The following MGMT variants were observed in gnomAD, a reference collection of about 807,000 sequenced individuals.
MGMT encodes the protein methylated-DNA--protein-cysteine methyltransferase.
A neutral mutation model predicts 15.9 loss-of-function variants in MGMT; 14 were observed. The ratio of observed to expected loss-of-function variants is 0.88; its 90% CI spans 0.58 to 1.37. The LOEUF is 1.37. Ranked by LOEUF, MGMT falls within the 40% of genes most tolerant of loss-of-function variation. The pLI, the probability that MGMT is intolerant of heterozygous loss-of-function variation, is 0.00. For missense variants in MGMT, 282 were observed against 268.1 expected, an observed-to-expected ratio of 1.05 and a Z score of -0.36; for synonymous variants, 130 against 118.2, an observed-to-expected ratio of 1.10 and a Z score of -0.65.
intron 1 of MGMT, among the ~76,000 whole-genome samples, chr10:129,526,512 C>T (rs12776587): frequency 0.25 from 37,804 of 152,028 alleles, 5,650 homozygotes; most frequent in African/African-American, 0.43. Flanking sequence ...CTGGTGATTT[C>T]TCCCTTTTAA....
chr10:129,502,299 T>C (rs1238662135), intron 1 of MGMT, among the ~76,000 whole-genome samples: 1 of 152,188 alleles, frequency 6.6e-6, no homozygotes, highest in Non-Finnish European at 1.5e-5. Flanking sequence ...CTACACACCA[T>C]TTGATCTTCC....
intron 1 of MGMT, among the ~76,000 whole-genome samples, chr10:129,487,296 G>T (rs1049985315): frequency 2.0e-5 from 3 of 152,236 alleles, no homozygotes; most frequent in Admixed American, 6.5e-5. Flanking sequence ...AGTTTTTCAA[G>T]TAGGACTCTG....
chr10:129,488,292 C>T (rs1292180950), intron 1 of MGMT, among the ~76,000 whole-genome samples: 5 of 152,160 alleles, frequency 3.3e-5, no homozygotes, highest in Non-Finnish European at 7.4e-5. Flanking sequence ...AAAATCCTGT[C>T]TCATAGTGAT....
intron 2 of MGMT, among the ~76,000 whole-genome samples, chr10:129,672,292 C>A (rs769394533): frequency 1.8e-4 from 28 of 152,312 alleles, no homozygotes; most frequent in Non-Finnish European, 3.4e-4. Context: ...CAAGTAATGT[C>A]TTTTCTCTAA....
At chr10:129,626,320 GATTA>G (rs1847148797) in intron 2 of MGMT, among the ~76,000 whole-genome samples, 1 of 152,220 alleles carries the variant, frequency 6.6e-6, no homozygotes, top group Non-Finnish European at 1.5e-5. Flanking sequence ...GTCATTGGGG[GATTA>G]ATTTATTCGT....
At chr10:129,483,544 G>GT (rs1049052816) in intron 1 of MGMT, among the ~76,000 whole-genome samples, 21 of 152,040 alleles carry the variant, frequency 1.4e-4, no homozygotes, top group Middle Eastern at 3.4e-3. Flanking sequence ...AGGTTGACCT[G>GT]TTTTTTTGCT....
chr10:129,501,201 G>A (rs978907550), intron 1 of MGMT, among the ~76,000 whole-genome samples: 1 of 152,180 alleles, frequency 6.6e-6, no homozygotes, highest in Non-Finnish European at 1.5e-5. Context: ...GGTGAGAGGT[G>A]TCCATGTACT....
Position 129,540,909 on chromosome 10 carries a change from G to T in MGMT, c.125+4532G>T, listed in dbSNP as rs1282609777. On this transcript the variant is annotated intron_variant, in intron 2 of 4. Coordinates refer to ENST00000651593, the MANE Select transcript of MGMT (RefSeq NM_002412.5). Reference sequence around the variant, plus strand: ...TCCCACCTGGAGCCATCTGTGCTCTGTGTGGCTGCTGTCCTCTGGTTGCTG... The same window carrying T: ...TCCCACCTGGAGCCATCTGTGCTCTTTGTGGCTGCTGTCCTCTGGTTGCTG... Among the ~76,000 whole-genome samples, 6 of 152,216 alleles carry T rather than the reference G, an allele frequency of 3.9e-5. 1 individual carries two copies. Among genetic ancestry groups the T allele is most frequent in the South Asian group, 2.1e-4 (1 of 4,836 alleles).
intron 2 of MGMT, among the ~76,000 whole-genome samples, chr10:129,640,594 C>T (rs1028118297): frequency 6.6e-6 from 1 of 151,742 alleles, no homozygotes. Context: ...AGAAAATACA[C>T]GAGGAAATAC....
intron 2 of MGMT, among the ~76,000 whole-genome samples, chr10:129,613,606 G>GT (rs1394735742): frequency 6.6e-6 from 1 of 152,332 alleles, no homozygotes; most frequent in East Asian, 1.9e-4. Context: ...TATCTGGTCT[G>GT]TTTTTTAACG....
At chr10:129,653,574 AGTGGCCTCAC>A (rs1307735605) in intron 2 of MGMT, among the ~76,000 whole-genome samples, 2 of 152,216 alleles carry the variant, frequency 1.3e-5, no homozygotes, top group Non-Finnish European at 2.9e-5. Context: ...TCACCAATGG[AGTGGCCTCAC>A]GTGGCCTCCC....
intron 2 of MGMT, among the ~76,000 whole-genome samples, chr10:129,667,613 G>A (rs767965744): frequency 6.6e-6 from 1 of 152,120 alleles, no homozygotes; most frequent in Non-Finnish European, 1.5e-5. Context: ...ATGCACACAG[G>A]CACGCATTTC....
At chr10:129,513,177 A>G (rs966518080) in intron 1 of MGMT, among the ~76,000 whole-genome samples, 3 of 152,340 alleles carry the variant, frequency 2.0e-5, no homozygotes, top group East Asian at 3.9e-4. Context: ...ATGGGTCCAC[A>G]GACATGAGGC....
At chr10:129,625,980 C>A (rs1343968112) in intron 2 of MGMT, among the ~76,000 whole-genome samples, 2 of 152,214 alleles carry the variant, frequency 1.3e-5, no homozygotes, top group Non-Finnish European at 2.9e-5. Context: ...GACAAGTTTT[C>A]CTTCTGATTC....
chr10:129,603,682 AT>A (rs1358918930), intron 2 of MGMT, among the ~76,000 whole-genome samples: 7 of 152,256 alleles, frequency 4.6e-5, no homozygotes, highest in Admixed American at 3.3e-4. Flanking sequence ...GCAATTGCTA[AT>A]TTCAAATGCC....
At chr10:129,644,889 G>C (rs1373973504) in intron 2 of MGMT, among the ~76,000 whole-genome samples, 5 of 152,086 alleles carry the variant, frequency 3.3e-5, no homozygotes, top group Admixed American at 6.5e-5. Flanking sequence ...TCTTCACTGC[G>C]TGGCAGGTCC....
chr10:129,605,118 A>G lies in MGMT; in HGVS notation c.125+68741A>G, dbSNP rs77342423. Among the ~76,000 whole-genome samples the G allele has an allele frequency of 9.8e-4, 149 of 152,308 alleles. 5 individuals carry two copies. The East Asian group carries it at 0.026, about 27-fold the overall frequency. On this transcript the variant is annotated intron_variant, in intron 2 of 4. Transcript: ENST00000651593. The stretch of plus-strand genomic sequence containing the variant: ...TAAGAGCACTTTAAGAAGGCAATAT[A>G]TGGAGATTCTTTTGTGGGAAAGATG...
chr10:129,606,981 G>A (rs1846898741), intron 2 of MGMT, among the ~76,000 whole-genome samples: 1 of 152,134 alleles, frequency 6.6e-6, no homozygotes, highest in Non-Finnish European at 1.5e-5. Flanking sequence ...TTTTAAATGG[G>A]CTGGGAAAGC....
At position 129,692,433 on chromosome 10, in the gene MGMT, A is replaced by G. The variant is rs990325362; in HGVS notation, c.126-15462A>G. ...GGGCTAGAAGATCTCTGTCATAGCTATTCAGCTCCGTTGCTTTCTGAGTAA... is the reference window on the plus strand; with the variant it reads ...GGGCTAGAAGATCTCTGTCATAGCTGTTCAGCTCCGTTGCTTTCTGAGTAA... On this transcript the variant is annotated intron_variant, in intron 2 of 4. Transcript: ENST00000651593. 5.3e-5 allele frequency among the ~76,000 whole-genome samples: 8 copies of G among 152,184 alleles called. 1 individual carries two copies. Among genetic ancestry groups the G allele is most frequent in the African/African-American group, 1.9e-4 (8 of 41,452 alleles).
Sources: gnomAD v4.1 joint callset for allele counts (sites outside exome capture counted in the v4.1 genomes callset) on GRCh38, gnomAD v4.1.1 for gene constraint, MANE v1.5 for transcripts, NCBI Gene and HGNC (gene_info 2026-07-23, HGNC 2026-07-21) for gene names.